JCAD: variants seen among roughly 807,000 people sequenced by gnomAD.
JCAD encodes the protein junctional cadherin 5-associated protein.
JCAD carries 40 observed loss-of-function variants against 98.0 expected under a neutral mutation model. That is an observed-to-expected ratio of 0.41 (90% CI 0.32 to 0.53). JCAD has a LOEUF of 0.53. Among genes scored for constraint, JCAD ranks in the 20% least tolerant of loss-of-function variants. The pLI, the probability that JCAD is intolerant of heterozygous loss-of-function variation, is 0.31. For synonymous variants in JCAD, 691 were observed against 682.3 expected (o/e 1.01, Z -0.20); for missense variants, 1,705 against 1,738.1 (o/e 0.98, Z 0.34).
Position 30,111,248 on chromosome 10 carries a change from G to A in JCAD, n.128+4119C>T, listed in dbSNP as rs533272247. ...CATTTGAGTGCCTGACAGCCCTTCG[G>A]GACCCAGCCCAGGGGTTACTTCTTC... On this transcript the variant is annotated intron_variant and non_coding_transcript_variant, in intron 1 of 2. Transcript: ENST00000465712. 3.3e-5 allele frequency among the ~76,000 whole-genome samples: 5 copies of A among 152,260 alleles called. 1 individual carries two copies. In the South Asian group the frequency reaches 8.3e-4, roughly 25 times the overall value.
At chr10:30,035,809 A>T (rs1219477163) in intron 2 of JCAD, among the ~76,000 whole-genome samples, 2 of 152,188 alleles carry the variant, frequency 1.3e-5, no homozygotes, top group Non-Finnish European at 2.9e-5. Flanking sequence ...CGCCCAGACA[A>T]ATTGTGTCCA....
chr10:30,061,096 C>G (rs1837693630), upstream of JCAD, among the ~76,000 whole-genome samples: 1 of 152,188 alleles, frequency 6.6e-6, no homozygotes, highest in South Asian at 2.1e-4. Context: ...CTTGGCTTCT[C>G]TGCCACTTTC....
chr10:30,094,725 A>G (rs192562627), intron 1 of JCAD, among the ~76,000 whole-genome samples: 78 of 152,278 alleles, frequency 5.1e-4, no homozygotes, highest in East Asian at 3.9e-4. Flanking sequence ...TTGCCTTTGG[A>G]AAAACCAGCC....
At chr10:30,079,346 CAA>C (rs373809311) in intron 1 of JCAD, among the ~76,000 whole-genome samples, 7 of 64,668 alleles carry the variant, frequency 1.1e-4, no homozygotes, top group Admixed American at 1.8e-4. Context: ...GACTCCATCT[CAA>C]AAAAAAAAAA....
At chr10:30,067,413 G>A (rs539229430) in intron 2 of JCAD, among the ~76,000 whole-genome samples, 37 of 151,742 alleles carry the variant, frequency 2.4e-4, no homozygotes, top group African/African-American at 7.0e-4. Flanking sequence ...TGCAACCTCC[G>A]CCTCCCAGGA....
chr10:30,101,813 G>C (rs142007429), intron 1 of JCAD, among the ~76,000 whole-genome samples: 1 of 152,276 alleles, frequency 6.6e-6, no homozygotes, highest in Admixed American at 6.5e-5. Context: ...ACTTTGCTGT[G>C]TTTCAGTGAA....
At chr10:30,072,206 GC>G (rs796285237) in intron 1 of JCAD, among the ~76,000 whole-genome samples, 23 of 151,926 alleles carry the variant, frequency 1.5e-4, no homozygotes, top group African/African-American at 5.3e-4. Context: ...TAAATTAGAG[GC>G]ATGTAAATTA....
At chr10:30,041,812 AAAGGAAACACATT>A (rs1401676979) in intron 2 of JCAD, among the ~76,000 whole-genome samples, 1 of 152,234 alleles carries the variant, frequency 6.6e-6, no homozygotes, top group African/African-American at 2.4e-5. Context: ...ATAATATTTC[AAAGGAAACACATT>A]AAGGAAACCC....
intron 1 of JCAD, among the ~76,000 whole-genome samples, chr10:30,072,363 A>G (rs1385092590): frequency 1.3e-5 from 2 of 152,322 alleles, no homozygotes; most frequent in East Asian, 1.9e-4. Context: ...CTTATGTTCT[A>G]TGCTATATTA....
intron 3 of JCAD, among the ~76,000 whole-genome samples, chr10:30,018,150 A>T (rs1461001176): frequency 6.6e-6 from 1 of 152,220 alleles, no homozygotes; most frequent in Non-Finnish European, 1.5e-5. Flanking sequence ...GGAAAATATG[A>T]ACTGCTGAAT....
At position 30,023,317 on chromosome 10, in the gene JCAD, C is replaced by T. The variant is rs565011753; in HGVS notation, c.4045+2786G>A. On this transcript the variant is annotated intron_variant, in intron 3 of 3. Transcript: ENST00000375377. ...CCTCCCAAAGTGCTGGGACTACAGGCATGAGCCACCACGCACGGCCTGTAC... is the reference window on the plus strand; with the variant it reads ...CCTCCCAAAGTGCTGGGACTACAGGTATGAGCCACCACGCACGGCCTGTAC... Among the ~76,000 whole-genome samples the T allele has an allele frequency of 2.3e-4, 35 of 152,294 alleles. 1 individual carries two copies. Among genetic ancestry groups the T allele is most frequent in the Admixed American group, 2.1e-3 (32 of 15,292 alleles).
chr10:30,101,053 AG>A (rs753594633), intron 1 of JCAD, among the ~76,000 whole-genome samples: 1 of 152,214 alleles, frequency 6.6e-6, no homozygotes, highest in South Asian at 2.1e-4. Context: ...TATCATGCAG[AG>A]GAAGCCTTCA....
Position 30,027,383 on chromosome 10 carries a change from G to C in JCAD, c.2765C>G (p.Pro922Arg), listed in dbSNP as rs1039942113. ...TGGAGGCCAGGCACGTGGGTGGCCA[G>C]GCTGCAGCTCCTCACTCCAGCTCTC... is the stretch of plus-strand genomic sequence containing the variant. ...KSESWSEELQ[P>R]GHPRAWPPSP... Residue 922 changes from proline to arginine, a missense_variant, in exon 3 of 4, where the codon CCT becomes CGT. By Grantham distance (103) the Pro-to-Arg change is moderately radical. This residue lies in a region of JCAD where 1,278 missense variants were observed against 1,243.1 expected (regional missense o/e 1.03). Coordinates refer to ENST00000375377, the MANE Select transcript of JCAD (RefSeq NM_020848.4). 3 of 1,608,002 alleles carry C rather than the reference G, an allele frequency of 1.9e-6. No homozygotes were observed. The highest frequency in any genetic ancestry group is 1.3e-5 in the African/African-American group (1 of 74,914).
At chr10:30,022,503 T>C (rs1469003845) in intron 3 of JCAD, among the ~76,000 whole-genome samples, 1 of 152,176 alleles carries the variant, frequency 6.6e-6, no homozygotes, top group Non-Finnish European at 1.5e-5. Flanking sequence ...CTCTAACTTG[T>C]GAAGCAACAG....
chr10:30,086,193 T>C (rs923310279), intron 1 of JCAD, among the ~76,000 whole-genome samples: 6 of 152,230 alleles, frequency 3.9e-5, no homozygotes, highest in African/African-American at 9.7e-5. Flanking sequence ...AAGTACACTA[T>C]TGATTAACTA....
At chr10:30,082,869 A>AC (rs1191030870) in intron 1 of JCAD, among the ~76,000 whole-genome samples, 29 of 144,668 alleles carry the variant, frequency 2.0e-4, no homozygotes, top group African/African-American at 7.5e-4. Flanking sequence ...AAAAAAAAAA[A>AC]AAAAAAAACA....
chr10:30,047,689 C>T lies in JCAD; in HGVS notation c.124G>A (p.Gly42Ser). 6.2e-7 allele frequency: 1 copy of T among 1,614,230 alleles called. No homozygotes were observed. Among genetic ancestry groups the T allele is most frequent in the Admixed American group, 1.7e-5 (1 of 60,030 alleles). Residue 42 changes from glycine to serine, a missense_variant, in exon 2 of 4, where the codon GGC (glycine) becomes AGC (serine). Transcript: ENST00000375377. ...CCATCCTCATGCCCGTTCTGCAGGC[C>T]CTGGCCTGCTCGTGTCCCAGTCCTC... ...AARTGTRAGQ[G>S]LQNGHEDGPA...
In JCAD at chr10:30,027,744, C is replaced by A. The variant is rs1411507090; in HGVS notation, c.2404G>T (p.Val802Leu). ...CAAGGGCCCGTGGGCTCCCCCTTCA[C>A]CACCTCCCGCTTAGGCCCAGGGTGG... ...GAHPGPKREV[V>L]KGEPTGPCNS... is the part of the protein sequence containing the mutation. Residue 802 changes from valine (V) to leucine (L), a missense_variant, in exon 3 of 4, where the codon GTG becomes TTG. Physicochemically the swap from Val to Leu is conservative, Grantham distance 32. Around this residue, in one of 3 missense-constraint regions of JCAD, gnomAD observed 1,278 missense variants for 1,243.1 expected, o/e 1.03. Coordinates refer to ENST00000375377, the MANE Select transcript of JCAD (RefSeq NM_020848.4). 1.9e-6 allele frequency: 3 copies of A among 1,614,132 alleles called. No individual in the cohort carries two copies. The Admixed American group carries it at 5.0e-5, about 27-fold the overall frequency.
At chr10:30,063,248 GAGCATGTGCCAGGATCC>G (rs919848477), upstream of JCAD, among the ~76,000 whole-genome samples, 65 of 152,232 alleles carry the variant, frequency 4.3e-4, no homozygotes, top group African/African-American at 1.4e-3. Flanking sequence ...ACAGCCCTGG[GAGCATGTGCCAGGATCC>G]AGCCCTGGAT....
Sources: allele counts gnomAD v4.1 joint callset (sites outside exome capture counted in the v4.1 genomes callset), GRCh38; gene constraint gnomAD v4.1.1; regional missense constraint gnomAD v4.1.1; transcripts MANE v1.5; gene names NCBI Gene and HGNC (gene_info 2026-07-23, HGNC 2026-07-21).